Variants in PSTPIP2 observed in about 807,000 individuals in gnomAD.
PSTPIP2 encodes proline-serine-threonine phosphatase interacting protein 2.
Under a neutral mutation model 63.3 loss-of-function variants are expected in PSTPIP2, and 33 were observed. The ratio of observed to expected loss-of-function variants is 0.52; its 90% CI spans 0.40 to 0.70. PSTPIP2 has a LOEUF of 0.70. Among genes scored for constraint, PSTPIP2 ranks in the 30% least tolerant of loss-of-function variants. PSTPIP2 has a pLI of 0.00. For missense variants in PSTPIP2, 312 were observed against 400.7 expected (o/e 0.78, Z 1.89); for synonymous variants, 125 against 132.7 (o/e 0.94, Z 0.40).
intron 1 of PSTPIP2, among the ~76,000 whole-genome samples, chr18:46,043,147 A>T (rs142393133): frequency 0.013 from 1,852 of 146,384 alleles, 41 homozygotes; most frequent in African/African-American, 0.043. Context: ...GCACTTTGGG[A>T]GGCCGAGGCG....
intron 1 of PSTPIP2, among the ~76,000 whole-genome samples, chr18:46,060,550 C>A (rs1599749178): frequency 6.6e-6 from 1 of 151,972 alleles, no homozygotes; most frequent in Non-Finnish European, 1.5e-5. Flanking sequence ...AGCGTGTAGA[C>A]CCCAAATGAC....
intron 1 of PSTPIP2, among the ~76,000 whole-genome samples, chr18:46,040,580 C>T (rs1908155296): frequency 6.6e-6 from 1 of 152,160 alleles, no homozygotes. Flanking sequence ...CCATCATGCC[C>T]CTTTTCCTTG....
At chr18:46,062,983 C>G (rs1227388230) in intron 1 of PSTPIP2, among the ~76,000 whole-genome samples, 1 of 152,162 alleles carries the variant, frequency 6.6e-6, no homozygotes, top group Non-Finnish European at 1.5e-5. Context: ...AATGTCAGAA[C>G]ACTTAAGCCC....
intron 2 of PSTPIP2, among the ~76,000 whole-genome samples, chr18:46,033,514 A>C (rs1477383943): frequency 3.3e-5 from 5 of 152,128 alleles, no homozygotes; most frequent in Non-Finnish European, 5.9e-5. Context: ...CCTGGTCAAC[A>C]TGGTGAAACC....
At chr18:46,061,005 TA>T in intron 1 of PSTPIP2, among the ~76,000 whole-genome samples, 1 of 152,110 alleles carries the variant, frequency 6.6e-6, no homozygotes, top group East Asian at 1.9e-4. Flanking sequence ...TGCACATTAA[TA>T]AAAAATCATA....
At chr18:46,018,442 G>A (rs2051874860) in intron 3 of PSTPIP2, among the ~76,000 whole-genome samples, 1 of 150,856 alleles carries the variant, frequency 6.6e-6, no homozygotes. Flanking sequence ...TGTCACCTAC[G>A]CACCCAACTT....
intron 1 of PSTPIP2, among the ~76,000 whole-genome samples, chr18:46,060,948 G>T (rs533620671): frequency 6.6e-6 from 1 of 152,312 alleles, no homozygotes; most frequent in Admixed American, 6.5e-5. Flanking sequence ...AAACAGCAGA[G>T]ATGAAATGGT....
chr18:45,985,476 C>A, intron 14 of PSTPIP2, 26 bp from the exon 15 acceptor site: 1 of 1,611,420 alleles, frequency 6.2e-7, no homozygotes, highest in Non-Finnish European at 8.5e-7. Flanking sequence ...AAAGAAATTT[C>A]CTCTGAATGA....
chr18:46,024,947 T>C (rs1907525714), intron 2 of PSTPIP2, among the ~76,000 whole-genome samples: 1 of 152,182 alleles, frequency 6.6e-6, no homozygotes, highest in African/African-American at 2.4e-5. Context: ...AAACTGAACA[T>C]TTGTTTAAGT....
intron 1 of PSTPIP2, among the ~76,000 whole-genome samples, chr18:46,066,082 G>A (rs573876226): frequency 7.9e-5 from 12 of 151,886 alleles, no homozygotes; most frequent in Non-Finnish European, 1.5e-4. Flanking sequence ...GCTCATGCCT[G>A]TAATCCCAGC....
intron 4 of PSTPIP2, among the ~76,000 whole-genome samples, chr18:46,012,389 A>T (rs1218583559): frequency 6.6e-6 from 1 of 152,244 alleles, no homozygotes; most frequent in African/African-American, 2.4e-5. Flanking sequence ...TGTCTATGAT[A>T]TATTGTTAAG....
At chr18:46,034,178 T>G (rs1379225391) in intron 2 of PSTPIP2, among the ~76,000 whole-genome samples, 1 of 151,726 alleles carries the variant, frequency 6.6e-6, no homozygotes, top group Non-Finnish European at 1.5e-5. Context: ...TGGGGAAGAG[T>G]ACAGAGTCCT....
chr18:46,068,921 G>A (rs1299118413), intron 1 of PSTPIP2, among the ~76,000 whole-genome samples: 1 of 152,130 alleles, frequency 6.6e-6, no homozygotes, highest in Non-Finnish European at 1.5e-5. Flanking sequence ...TGACAGCCTT[G>A]TGTTGACAGC....
At chr18:46,019,956 C>T (rs1907286216) in intron 3 of PSTPIP2, among the ~76,000 whole-genome samples, 1 of 152,130 alleles carries the variant, frequency 6.6e-6, no homozygotes, top group Non-Finnish European at 1.5e-5. Context: ...AATTCTCTCC[C>T]TATAGTGAGT....
chr18:46,053,709 T>C (rs1357547862), intron 1 of PSTPIP2, among the ~76,000 whole-genome samples: 1 of 152,108 alleles, frequency 6.6e-6, no homozygotes, highest in Non-Finnish European at 1.5e-5. Context: ...TTGCCAAAAA[T>C]TGGAAGCGAC....
chr18:46,029,468 G>T, intron 2 of PSTPIP2: 1 of 1,143,390 alleles, frequency 8.7e-7, no homozygotes, highest in Non-Finnish European at 1.3e-6. Context: ...CAGATTTGTT[G>T]ATTAAGGCAG....
Position 46,016,200 on chromosome 18 carries a change from G to A in PSTPIP2, c.213-263C>T, listed in dbSNP as rs563900147. 3 of 447,466 alleles carry A rather than the reference G, an allele frequency of 6.7e-6. No homozygotes were observed. The South Asian group carries it at 8.9e-5, about 13-fold the overall frequency. The allele number at this position is 447,466 out of a possible 1,614,324, so 27.7% of individuals were successfully genotyped here. On this transcript the variant is annotated intron_variant, in intron 3 of 14. Transcript: ENST00000409746. ...TGTGTTTCATTTTCTCCAATGATAGGATAGGAGTTATGATCCTTTTCTCAT... is the reference window on the plus strand; with the variant it reads ...TGTGTTTCATTTTCTCCAATGATAGAATAGGAGTTATGATCCTTTTCTCAT...
chr18:46,048,304 T>G (rs1908455003), intron 1 of PSTPIP2, among the ~76,000 whole-genome samples: 1 of 152,210 alleles, frequency 6.6e-6, no homozygotes, highest in Admixed American at 6.5e-5. Context: ...GAAAAGAGAT[T>G]CTGCCCTACA....
At chr18:46,056,912 G>T (rs374696353) in intron 1 of PSTPIP2, among the ~76,000 whole-genome samples, 5 of 152,160 alleles carry the variant, frequency 3.3e-5, no homozygotes, top group Middle Eastern at 3.4e-3. Flanking sequence ...GACCAGCCTG[G>T]CCAACATGGT....
Sources: allele counts gnomAD v4.1 joint callset (sites outside exome capture counted in the v4.1 genomes callset), GRCh38; gene constraint gnomAD v4.1.1; transcripts MANE v1.5; gene names NCBI Gene and HGNC (gene_info 2026-07-23, HGNC 2026-07-21).